MYO5A: variants seen among roughly 807,000 people sequenced by gnomAD.
MYO5A encodes myosin VA, also known as unconventional myosin-Va.
A neutral mutation model predicts 249.7 loss-of-function variants in MYO5A; 98 were observed. That is an observed-to-expected ratio of 0.39 (90% CI 0.33 to 0.46). MYO5A has a LOEUF of 0.46. Ranked by LOEUF, MYO5A falls within the 20% of genes least tolerant of loss-of-function variation. MYO5A has a pLI of 0.98. For missense variants in MYO5A, 1,696 were observed against 2,308.8 expected (o/e 0.73, Z 5.44); for synonymous variants, 778 against 810.6 (o/e 0.96, Z 0.68).
At position 52,310,059 on chromosome 15, in the gene MYO5A, A is replaced by G. The variant is rs2037730308; in HGVS notation, c.*3637T>C. 2 of 152,332 alleles carry G rather than the reference A, an allele frequency of 1.3e-5. No homozygotes were observed. Among genetic ancestry groups the G allele is most frequent in the South Asian group, 4.1e-4 (2 of 4,822 alleles). 9.4% of individuals were successfully genotyped at this position (152,332 alleles called of 1,614,324 possible). The stretch of plus-strand genomic sequence containing the variant: ...AAAAGATTTGATCTATATTACACAT[A>G]ATTACTCACCCAGAAAGAGCCAACT... On this transcript the variant is annotated 3_prime_UTR_variant, in exon 42 of 42. Coordinates refer to ENST00000399233, the MANE Select transcript of MYO5A (RefSeq NM_001382347.1).
At chr15:52,455,294 A>G (rs1471889932) in intron 1 of MYO5A, among the ~76,000 whole-genome samples, 1 of 152,076 alleles carries the variant, frequency 6.6e-6, no homozygotes, top group Non-Finnish European at 1.5e-5. Context: ...AATAATGAGT[A>G]ATAAGTAATA....
chr15:52,434,415 A>C (rs2075616991), intron 1 of MYO5A, among the ~76,000 whole-genome samples: 1 of 152,122 alleles, frequency 6.6e-6, no homozygotes, highest in Non-Finnish European at 1.5e-5. Context: ...AAAATAACAG[A>C]TTTTTTAAAA....
chr15:52,480,668 A>G (rs144513884), intron 1 of MYO5A, among the ~76,000 whole-genome samples: 37 of 152,194 alleles, frequency 2.4e-4, no homozygotes, highest in African/African-American at 8.2e-4. Flanking sequence ...TTGTAACACA[A>G]CTTGGTTTCC....
intron 8 of MYO5A, 116 bp downstream of exon 8, chr15:52,407,176 T>C: frequency 1.3e-6 from 1 of 763,662 alleles, no homozygotes. Flanking sequence ...ATGTGGAATA[T>C]TAAATCTTCT....
At chr15:52,409,361 A>T (rs1323810986) in intron 6 of MYO5A, among the ~76,000 whole-genome samples, 1 of 152,188 alleles carries the variant, frequency 6.6e-6, no homozygotes, top group East Asian at 1.9e-4. Flanking sequence ...TTTCAAAAAA[A>T]ACCTATAGAA....
intron 36 of MYO5A, among the ~76,000 whole-genome samples, chr15:52,326,462 C>T (rs1376676543): frequency 6.6e-6 from 1 of 152,196 alleles, no homozygotes; most frequent in Non-Finnish European, 1.5e-5. Context: ...TTAGTAACCA[C>T]TGTAGAATGT....
intron 12 of MYO5A, 43 bp from the exon 13 acceptor site, chr15:52,389,406 C>T: frequency 3.2e-6 from 5 of 1,580,858 alleles, no homozygotes; most frequent in Non-Finnish European, 4.3e-6. Context: ...AAGGTAAATA[C>T]TGTGATTCCT....
At chr15:52,428,700 C>G in intron 2 of MYO5A, 131 bp from the exon 3 acceptor site, 1 of 937,764 alleles carries the variant, frequency 1.1e-6, no homozygotes, top group Admixed American at 1.8e-5. Context: ...CTAGCACCTT[C>G]CAATATCACA....
At chr15:52,321,270 C>G (rs2038297280) in intron 38 of MYO5A, 89 bp downstream of exon 38, 3 of 1,543,804 alleles carry the variant, frequency 1.9e-6, no homozygotes, top group Non-Finnish European at 2.7e-6. Flanking sequence ...AAATGAATAC[C>G]TGCCCTGAAA....
At chr15:52,387,665 A>G (rs1470676565) in intron 14 of MYO5A, 164 bp downstream of exon 14, 1 of 606,522 alleles carries the variant, frequency 1.6e-6, no homozygotes, top group East Asian at 2.8e-5. Context: ...TACATTTAGA[A>G]CAGGACCTGA....
chr15:52,511,866 TC>T (rs1279636851), intron 1 of MYO5A, among the ~76,000 whole-genome samples: 1 of 152,212 alleles, frequency 6.6e-6, no homozygotes, highest in African/African-American at 2.4e-5. Flanking sequence ...ACTAGATTAA[TC>T]TTAACATTGA....
At chr15:52,374,316 C>T (rs2041287118) in intron 20 of MYO5A, among the ~76,000 whole-genome samples, 1 of 152,194 alleles carries the variant, frequency 6.6e-6, no homozygotes, top group African/African-American at 2.4e-5. Context: ...CTCCTCTTCA[C>T]CATGGTAAAT....
chr15:52,355,453 T>G (rs2040171524), intron 25 of MYO5A, among the ~76,000 whole-genome samples: 1 of 152,268 alleles, frequency 6.6e-6, no homozygotes, highest in Non-Finnish European at 1.5e-5. Context: ...TTGGTTAGGC[T>G]TGGCTGTGTC....
intron 12 of MYO5A, among the ~76,000 whole-genome samples, chr15:52,390,013 T>C (rs2042148288): frequency 6.6e-6 from 1 of 152,170 alleles, no homozygotes; most frequent in Admixed American, 6.5e-5. Flanking sequence ...GGCTATTATG[T>C]ACGTTTTTAA....
In MYO5A at chr15:52,392,017, T is replaced by C; in HGVS notation, c.1455A>G (p.Thr485=). Residue 485 remains threonine, a synonymous_variant, in exon 12 of 42, where the codon ACA becomes ACG. Transcript: ENST00000399233. The stretch of plus-strand genomic sequence containing the variant: ...GCTGATTATCATAAAAATCTATGAG[T>C]GTCCATGGAATTTGTTCCTTCATAT... The part of the protein sequence containing the change: ...EEYMKEQIPW[T]LIDFYDNQPC... 1 of 1,611,176 alleles carries C rather than the reference T, an allele frequency of 6.2e-7. No homozygotes were observed. The highest frequency in any genetic ancestry group is 2.2e-5 in the East Asian group (1 of 44,778).
chr15:52,402,570 C>T (rs574585980), intron 9 of MYO5A, among the ~76,000 whole-genome samples: 19 of 152,222 alleles, frequency 1.2e-4, no homozygotes, highest in African/African-American at 2.2e-4. Context: ...TAAGGCCAGG[C>T]GCAGTGGCTC....
chr15:52,348,128 C>A (rs955258449), intron 29 of MYO5A, among the ~76,000 whole-genome samples: 1 of 152,180 alleles, frequency 6.6e-6, no homozygotes, highest in Admixed American at 6.5e-5. Flanking sequence ...CTCATTCTGA[C>A]TACCTTAGCT....
rs747312206 is a variant in MYO5A, at chr15:52,384,141, C to T, written c.1914+20G>A. ...AGCCAGAAAGGAAGGAGCGTGGCAG[C>T]GGCAGCTCCCTGAACTCACCTGATG... On this transcript the variant is annotated intron_variant, in intron 15 of 41. Coordinates refer to ENST00000399233, the MANE Select transcript of MYO5A (RefSeq NM_001382347.1). 3.1e-5 allele frequency: 50 copies of T among 1,613,698 alleles called. 1 individual carries two copies. In the South Asian group the frequency reaches 4.9e-4, roughly 16 times the overall value.
chr15:52,519,238 T>C (rs1196862433), intron 1 of MYO5A, among the ~76,000 whole-genome samples: 1 of 151,748 alleles, frequency 6.6e-6, no homozygotes, highest in Non-Finnish European at 1.5e-5. Flanking sequence ...GTGAAGAAAA[T>C]AGGGGAAATA....
Sources: allele counts gnomAD v4.1 joint callset (sites outside exome capture counted in the v4.1 genomes callset), GRCh38; gene constraint gnomAD v4.1.1; transcripts MANE v1.5; gene names NCBI Gene and HGNC (gene_info 2026-07-23, HGNC 2026-07-21).